The following SPRTN variants were observed in gnomAD, a reference collection of about 807,000 sequenced individuals.
The protein encoded by SPRTN is SprT-like N-terminal domain, also known as DNA-dependent metalloprotease SPRTN.
Under a neutral mutation model 31.9 loss-of-function variants are expected in SPRTN, and 11 were observed. The observed-to-expected ratio is 0.34, with a 90% CI of 0.22 to 0.57. The LOEUF is 0.57. Among genes scored for constraint, SPRTN ranks in the 20% least tolerant of loss-of-function variants. The pLI, the probability that SPRTN is intolerant of heterozygous loss-of-function variation, is 0.86. For synonymous variants in SPRTN, 185 were observed against 212.1 expected (o/e 0.87, Z 1.11); for missense variants, 482 against 590.1 (o/e 0.82, Z 1.90).
chr1:231,341,152 T>C (rs1319102530), intron 2 of SPRTN, among the ~76,000 whole-genome samples: 5 of 151,586 alleles, frequency 3.3e-5, no homozygotes, highest in African/African-American at 1.2e-4. Flanking sequence ...GACTAAACAC[T>C]CCATTAAATA....
Position 231,338,362 on chromosome 1 carries a change from C to G in SPRTN, c.-22C>G, listed in dbSNP as rs1361030818. On this transcript the variant is annotated 5_prime_UTR_variant, in exon 1 of 5. Transcript: ENST00000295050. ...GGGAGCCAGCCTGACGCCGGCGGAC[C>G]CCGCCTGTGATCCTGGCAACGATGG... 1 of 1,611,274 alleles carries G rather than the reference C, an allele frequency of 6.2e-7. No individual in the cohort carries two copies. The highest frequency in any genetic ancestry group is 1.1e-5 in the South Asian group (1 of 91,000).
intron 2 of SPRTN, 149 bp from the exon 3 acceptor site, chr1:231,347,648 G>T: frequency 1.1e-6 from 1 of 925,712 alleles, no homozygotes; most frequent in Non-Finnish European, 1.5e-6. Flanking sequence ...ACAGGTGTGA[G>T]CCACTGCACC....
intron 3 of SPRTN, among the ~76,000 whole-genome samples, chr1:231,350,887 TA>T (rs1687204987): frequency 6.6e-6 from 1 of 152,128 alleles, no homozygotes; most frequent in Admixed American, 6.5e-5. Flanking sequence ...TTTTTACTTA[TA>T]GGGAAAACTT....
At chr1:231,352,176 T>C (rs956805563) in intron 4 of SPRTN, 12 of 990,438 alleles carry the variant, frequency 1.2e-5, no homozygotes, top group Non-Finnish European at 1.4e-5. Context: ...CCCAAGAACA[T>C]AGGTTATATT....
Position 231,353,354 on chromosome 1 carries a change from G to A in SPRTN, c.1463G>A (p.Ser488Asn). The A allele has an allele frequency of 6.3e-7, 1 of 1,576,830 alleles. No homozygotes were observed. The part of the protein sequence containing the change: ...GDSIKVKSEE[S>N]L ...AGCATCAAAGTCAAAAGCGAAGAAAGTCTTTGAAAAAGGTTTCAAAGTCTC... is the reference window on the plus strand; with the variant it reads ...AGCATCAAAGTCAAAAGCGAAGAAAATCTTTGAAAAAGGTTTCAAAGTCTC... The change falls in exon 5 of 5, where the codon AGT becomes AAT. Residue 488 changes from serine (S) to asparagine (N), a missense_variant. By Grantham distance (46) the Ser-to-Asn change is conservative (BLOSUM62 1). Transcript: ENST00000295050.
In SPRTN at chr1:231,353,982, AAAAT is replaced by A. The variant is rs1449358533; in HGVS notation, c.*624_*627del. 2 of 931,706 alleles carry A rather than the reference AAAAT, an allele frequency of 2.1e-6. No homozygotes were observed. The highest frequency in any genetic ancestry group is 1.8e-5 in the African/African-American group (1 of 56,082). The allele number at this position is 931,706 out of a possible 1,614,324, so 57.7% of individuals were successfully genotyped here. On this transcript the variant is annotated 3_prime_UTR_variant, in exon 5 of 5. Coordinates refer to ENST00000295050, the MANE Select transcript of SPRTN (RefSeq NM_032018.7). ...TAAGTTAAAGAATATGGAATATAGT[AAAAT>A]AAGTAAATTTCTTTTGGAATATTTT... is the stretch of plus-strand genomic sequence containing the variant.
chr1:231,338,388 A>C lies in SPRTN; in HGVS notation c.5A>C (p.Asp2Ala), dbSNP rs760006850. The part of the protein sequence containing the change: M[D>A]DDLMLALRLQ... ...CCGCCTGTGATCCTGGCAACGATGG[A>C]TGATGACTTGATGTTGGCACTGCGG... The change falls in exon 1 of 5, where the codon GAT becomes GCT. Residue 2 changes from aspartate to alanine, a missense_variant. This residue lies in a region of SPRTN where 157 missense variants were observed against 239.9 expected (regional missense o/e 0.65). Coordinates refer to ENST00000295050, the MANE Select transcript of SPRTN (RefSeq NM_032018.7). The C allele has an allele frequency of 1.2e-5, 19 of 1,614,066 alleles. No homozygotes were observed. Among genetic ancestry groups the C allele is most frequent in the Non-Finnish European group, 1.6e-5 (19 of 1,179,916 alleles).
intron 3 of SPRTN, 49 bp from the exon 4 acceptor site, chr1:231,351,255 G>T (rs746312934): frequency 7.8e-5 from 107 of 1,370,084 alleles, no homozygotes; most frequent in Non-Finnish European, 1.0e-4. Flanking sequence ...TTGTTTTCTT[G>T]CAGTTGTTAA....
At chr1:231,340,977 G>T (rs1229667526) in intron 2 of SPRTN, among the ~76,000 whole-genome samples, 1 of 152,054 alleles carries the variant, frequency 6.6e-6, no homozygotes, top group Non-Finnish European at 1.5e-5. Flanking sequence ...ACATAAAAAT[G>T]GGTAAGTTGG....
Position 231,347,945 on chromosome 1 carries a change from T to G in SPRTN, c.450+20T>G, listed in dbSNP as rs372844006. ...ATAACGGTATAGAAAGCCATATCTATTTATGATGTTTAGTAGTTGTTTATT... is the reference window on the plus strand; with the variant it reads ...ATAACGGTATAGAAAGCCATATCTAGTTATGATGTTTAGTAGTTGTTTATT... On this transcript the variant is annotated intron_variant, in intron 3 of 4. Transcript: ENST00000295050. 4.4e-6 allele frequency: 7 copies of G among 1,599,722 alleles called. No homozygotes were observed. In the Admixed American group the frequency reaches 5.4e-5, roughly 12 times the overall value.
chr1:231,353,661 CTT>C lies in SPRTN; in HGVS notation c.*304_*305del. On this transcript the variant is annotated 3_prime_UTR_variant, in exon 5 of 5. Coordinates refer to ENST00000295050, the MANE Select transcript of SPRTN (RefSeq NM_032018.7). ...TTAAGGATTTTAAAAACCTGTTAATCTTTTTATTTGTATACTTTCCTAAAAAT... is the reference window on the plus strand; with the variant it reads ...TTAAGGATTTTAAAAACCTGTTAATCTTTATTTGTATACTTTCCTAAAAAT... 1 of 1,032,858 alleles carries C rather than the reference CTT, an allele frequency of 9.7e-7. No individual in the cohort carries two copies. Among genetic ancestry groups the C allele is most frequent in the Non-Finnish European group, 1.2e-6 (1 of 858,160 alleles). 64.0% of individuals were successfully genotyped at this position (1,032,858 alleles called of 1,614,324 possible).
rs773178864 is a variant in SPRTN at position 231,351,277 on chromosome 1, A to G, written c.451-27A>G. The G allele has an allele frequency of 2.7e-6, 4 of 1,495,932 alleles. No homozygotes were observed. The African/African-American group carries it at 4.3e-5, about 16-fold the overall frequency. The allele number at this position is 1,495,932 out of a possible 1,614,324, so 92.7% of individuals were successfully genotyped here. On this transcript the variant is annotated intron_variant, in intron 3 of 4. Coordinates refer to ENST00000295050, the MANE Select transcript of SPRTN (RefSeq NM_032018.7). The stretch of plus-strand genomic sequence containing the variant: ...CTTGCAGTTGTTAACTTGCTTATTG[A>G]ATACTAAAAATTCTGTCTCCACTCA...
chr1:231,340,550 A>G (rs1686851050), intron 2 of SPRTN, among the ~76,000 whole-genome samples: 2 of 152,190 alleles, frequency 1.3e-5, no homozygotes, highest in Non-Finnish European at 2.9e-5. Flanking sequence ...CTGTTGAGAA[A>G]CACAAATTTT....
At chr1:231,345,783 A>T (rs780520591) in intron 2 of SPRTN, among the ~76,000 whole-genome samples, 1 of 152,132 alleles carries the variant, frequency 6.6e-6, no homozygotes, top group Non-Finnish European at 1.5e-5. Flanking sequence ...AATCTTGATA[A>T]GCAATAAATA....
At chr1:231,350,214 G>A (rs993047735) in intron 3 of SPRTN, among the ~76,000 whole-genome samples, 3 of 152,214 alleles carry the variant, frequency 2.0e-5, no homozygotes, top group Non-Finnish European at 2.9e-5. Context: ...GCGATAGTGA[G>A]TTTAAAACTA....
At chr1:231,350,176 C>T (rs1044322362) in intron 3 of SPRTN, among the ~76,000 whole-genome samples, 5 of 152,110 alleles carry the variant, frequency 3.3e-5, no homozygotes, top group East Asian at 1.9e-4. Flanking sequence ...GCATGCTTAC[C>T]AAGTAGAAAT....
chr1:231,353,413 T>C lies in SPRTN; in HGVS notation c.*52T>C. The stretch of plus-strand genomic sequence containing the variant: ...CCTGTATTATCTCACTAATGTGCTA[T>C]GTCAGCCAGTCAGGAAGTTCTGGTT... On this transcript the variant is annotated 3_prime_UTR_variant, in exon 5 of 5. Coordinates refer to ENST00000295050, the MANE Select transcript of SPRTN (RefSeq NM_032018.7). 6.6e-7 allele frequency: 1 copy of C among 1,510,774 alleles called. No individual in the cohort carries two copies. The highest frequency in any genetic ancestry group is 8.8e-7 in the Non-Finnish European group (1 of 1,139,312). 93.6% of individuals were successfully genotyped at this position (1,510,774 alleles called of 1,614,324 possible).
chr1:231,338,681 T>C, intron 1 of SPRTN, 77 bp downstream of exon 1: 1 of 1,562,012 alleles, frequency 6.4e-7, no homozygotes, highest in Admixed American at 1.7e-5. Context: ...TTTTCTCTCC[T>C]TTCTCTAGTC....
At chr1:231,349,736 G>A (rs1255894125) in intron 3 of SPRTN, among the ~76,000 whole-genome samples, 4 of 152,176 alleles carry the variant, frequency 2.6e-5, no homozygotes, top group Non-Finnish European at 4.4e-5. Context: ...CAGGCTGGGT[G>A]TGGTGGCTCA....
Sources: allele counts gnomAD v4.1 joint callset (sites outside exome capture counted in the v4.1 genomes callset), GRCh38; gene constraint gnomAD v4.1.1; regional missense constraint gnomAD v4.1.1; transcripts MANE v1.5; gene names NCBI Gene and HGNC (gene_info 2026-07-23, HGNC 2026-07-21).